The following B3GLCT variants were observed in gnomAD, a reference collection of about 807,000 sequenced individuals.
The protein encoded by B3GLCT is beta-1,3-glucosyltransferase.
A neutral mutation model predicts 63.4 loss-of-function variants in B3GLCT; 65 were observed. The ratio of observed to expected loss-of-function variants is 1.03; its 90% CI spans 0.84 to 1.26. B3GLCT has a LOEUF of 1.26. Ranked by LOEUF, B3GLCT falls within the 50% of genes most tolerant of loss-of-function variation. The pLI is 0.00. For synonymous variants in B3GLCT, 233 were observed against 219.2 expected (o/e 1.06, Z -0.55); for missense variants, 577 against 604.8 (o/e 0.95, Z 0.48).
At chr13:31,301,657 G>T (rs542401125) in intron 12 of B3GLCT, among the ~76,000 whole-genome samples, 1 of 152,308 alleles carries the variant, frequency 6.6e-6, no homozygotes, top group Admixed American at 6.5e-5. Flanking sequence ...CCCACCAGGA[G>T]ACCCTGGCCT....
chr13:31,269,032 A>C (rs1872459894), intron 7 of B3GLCT, among the ~76,000 whole-genome samples, 182 bp from the exon 8 acceptor site: 2 of 152,200 alleles, frequency 1.3e-5, no homozygotes, highest in Admixed American at 1.3e-4. Flanking sequence ...GCTTGCATTC[A>C]TTTATTGGTC....
intron 6 of B3GLCT, among the ~76,000 whole-genome samples, chr13:31,255,449 T>C (rs1051437142): frequency 6.6e-6 from 1 of 152,140 alleles, no homozygotes; most frequent in African/African-American, 2.4e-5. Flanking sequence ...TGGAAAAAAC[T>C]ACTTTAAATT....
chr13:31,253,614 A>AC lies in B3GLCT; in HGVS notation c.459+5648_459+5649insC, dbSNP rs1168770422. On this transcript the variant is annotated intron_variant, in intron 6 of 14. Coordinates refer to ENST00000343307, the MANE Select transcript of B3GLCT (RefSeq NM_194318.4). ...CCATCTCAAAAAAAAAAAAAAAAAA[A>AC]AAAAAAACTAGAGAAGCAAGAGCAA... 2.1e-3 allele frequency among the ~76,000 whole-genome samples: 130 copies of AC among 62,832 alleles called. 10 individuals are homozygous for AC. The highest frequency in any genetic ancestry group is 3.4e-3 in the Non-Finnish European group (114 of 33,434). The allele number at this position is 62,832 out of a possible 152,430, so 41.2% of individuals were successfully genotyped here.
chr13:31,261,663 C>T (rs1872039379), intron 7 of B3GLCT, among the ~76,000 whole-genome samples: 1 of 152,012 alleles, frequency 6.6e-6, no homozygotes, highest in Non-Finnish European at 1.5e-5. Flanking sequence ...GTTGACAAGC[C>T]CTTCAGATTA....
chr13:31,231,221 CT>C (rs1189530420), intron 4 of B3GLCT, among the ~76,000 whole-genome samples: 1 of 152,032 alleles, frequency 6.6e-6, no homozygotes, highest in African/African-American at 2.4e-5. Flanking sequence ...TAATCCATCC[CT>C]CAGGTGGATC....
chr13:31,231,216 C>T (rs908602734), intron 4 of B3GLCT, among the ~76,000 whole-genome samples: 5 of 151,990 alleles, frequency 3.3e-5, no homozygotes, highest in African/African-American at 1.2e-4. Context: ...CCAGGTAATC[C>T]ATCCCTCAGG....
intron 13 of B3GLCT, among the ~76,000 whole-genome samples, chr13:31,323,397 T>C (rs1875430068): frequency 6.6e-6 from 1 of 152,254 alleles, no homozygotes; most frequent in Admixed American, 6.5e-5. Context: ...AGAAAGTCTT[T>C]GATGATTGAG....
chr13:31,230,373 G>GTTC (rs1870315845), intron 4 of B3GLCT, among the ~76,000 whole-genome samples: 1 of 152,106 alleles, frequency 6.6e-6, no homozygotes, highest in Admixed American at 6.5e-5. Context: ...CTATCCCTTT[G>GTTC]TTCTCCCAGG....
intron 6 of B3GLCT, 134 bp downstream of exon 6, chr13:31,248,100 A>G: frequency 4.8e-6 from 3 of 624,124 alleles, no homozygotes; most frequent in Non-Finnish European, 8.6e-6. Flanking sequence ...ACATTGTTGA[A>G]TATCTGAGAT....
At chr13:31,274,913 C>T (rs1327146035) in intron 9 of B3GLCT, among the ~76,000 whole-genome samples, 1 of 152,144 alleles carries the variant, frequency 6.6e-6, no homozygotes, top group African/African-American at 2.4e-5. Context: ...TTTGTGTGTA[C>T]CCAGTGTTTA....
intron 6 of B3GLCT, among the ~76,000 whole-genome samples, chr13:31,249,927 G>A (rs542146702): frequency 6.6e-6 from 1 of 152,218 alleles, no homozygotes; most frequent in South Asian, 2.1e-4. Context: ...ATGTGTGAGG[G>A]TATAAGGTAT....
chr13:31,328,717 AG>A (rs1875763109), intron 14 of B3GLCT, among the ~76,000 whole-genome samples: 2 of 149,486 alleles, frequency 1.3e-5, no homozygotes, highest in Non-Finnish European at 3.0e-5. Flanking sequence ...AAAAAAAAAA[AG>A]GTTTACCGAG....
At chr13:31,251,205 C>T (rs773036666) in intron 6 of B3GLCT, among the ~76,000 whole-genome samples, 5 of 152,256 alleles carry the variant, frequency 3.3e-5, no homozygotes, top group East Asian at 1.9e-4. Flanking sequence ...AGACCCCCTC[C>T]GAAGGTCACC....
chr13:31,281,277 T>TA (rs1056469139), intron 10 of B3GLCT, among the ~76,000 whole-genome samples: 36 of 150,992 alleles, frequency 2.4e-4, no homozygotes, highest in African/African-American at 5.1e-4. Context: ...CCTTTCAGAT[T>TA]AAAAAAAAAC....
intron 7 of B3GLCT, among the ~76,000 whole-genome samples, chr13:31,266,338 A>G (rs1368930486): frequency 6.6e-6 from 1 of 152,062 alleles, no homozygotes; most frequent in Non-Finnish European, 1.5e-5. Context: ...CAATAATTCT[A>G]AAAATTAGGA....
intron 9 of B3GLCT, 69 bp downstream of exon 9, chr13:31,274,697 C>T: frequency 2.5e-6 from 4 of 1,572,008 alleles, no homozygotes; most frequent in Non-Finnish European, 3.5e-6. Flanking sequence ...TAATGTCATC[C>T]TAGCACTTTA....
At chr13:31,237,840 TGTAAG>T (rs1329537191) in intron 4 of B3GLCT, among the ~76,000 whole-genome samples, 6 of 152,122 alleles carry the variant, frequency 3.9e-5, no homozygotes, top group Non-Finnish European at 8.8e-5. Context: ...GCACCGTGCC[TGTAAG>T]GGACGGGATG....
intron 1 of B3GLCT, among the ~76,000 whole-genome samples, chr13:31,208,342 G>A (rs143511129): frequency 0.012 from 1,845 of 152,126 alleles, 42 homozygotes; most frequent in African/African-American, 0.042. Context: ...CCCCTGAGCC[G>A]TCCTTGGCCT....
intron 10 of B3GLCT, among the ~76,000 whole-genome samples, chr13:31,277,860 A>G (rs975740296): frequency 1.3e-5 from 2 of 152,198 alleles, no homozygotes; most frequent in African/African-American, 4.8e-5. Context: ...AAATCAGTCT[A>G]TATGAATACA....
Sources: gnomAD v4.1 joint callset for allele counts (sites outside exome capture counted in the v4.1 genomes callset) on GRCh38, gnomAD v4.1.1 for gene constraint, MANE v1.5 for transcripts, NCBI Gene and HGNC (gene_info 2026-07-23, HGNC 2026-07-21) for gene names.